Variants in AKAP6 observed in about 807,000 individuals in gnomAD.
AKAP6 encodes A-kinase anchor protein 6.
Under a neutral mutation model 188.5 loss-of-function variants are expected in AKAP6, and 58 were observed. The observed-to-expected ratio is 0.31, with a 90% CI of 0.25 to 0.38. The LOEUF (loss-of-function observed/expected upper bound fraction) is 0.38, where lower values mean the gene tolerates loss of function less well. Among genes scored for constraint, AKAP6 ranks in the 10% least tolerant of loss-of-function variants. AKAP6 has a pLI of 1.00. For missense variants in AKAP6, 2,710 were observed against 2,740.0 expected (o/e 0.99, Z 0.24); for synonymous variants, 989 against 998.6 (o/e 0.99, Z 0.18).
At chr14:32,536,208 C>G (rs868173720) in intron 3 of AKAP6, among the ~76,000 whole-genome samples, 4 of 152,096 alleles carry the variant, frequency 2.6e-5, no homozygotes, top group Non-Finnish European at 5.9e-5. Context: ...GACATTCAAG[C>G]CAAACTGTGA....
At chr14:32,535,847 T>C in intron 3 of AKAP6, 42 bp downstream of exon 3, 2 of 1,572,874 alleles carry the variant, frequency 1.3e-6, no homozygotes, top group Non-Finnish European at 1.7e-6. Context: ...TTTCCAGGTA[T>C]GACCAATTGA....
intron 9 of AKAP6, among the ~76,000 whole-genome samples, chr14:32,726,691 A>G (rs956896405): frequency 6.6e-6 from 1 of 152,262 alleles, no homozygotes; most frequent in Non-Finnish European, 1.5e-5. Context: ...CTAGTGGTGC[A>G]CCATTTATCA....
chr14:32,742,043 A>G (rs1305215859), intron 11 of AKAP6, among the ~76,000 whole-genome samples: 1 of 151,646 alleles, frequency 6.6e-6, no homozygotes, highest in Non-Finnish European at 1.5e-5. Context: ...TATGGCTTCA[A>G]TCTCATTACT....
intron 2 of AKAP6, among the ~76,000 whole-genome samples, chr14:32,521,337 G>A (rs1359885529): frequency 6.6e-6 from 1 of 151,964 alleles, no homozygotes; most frequent in Non-Finnish European, 1.5e-5. Flanking sequence ...TTCTGGCCAG[G>A]GCAATCAAGC....
At position 32,780,157 on chromosome 14, in the gene AKAP6, C is replaced by CCATATATATATATAT. The variant is rs142218168; in HGVS notation, c.3588+6264_3588+6265insCATATATATATATAT. Among the ~76,000 whole-genome samples the CCATATATATATATAT allele has an allele frequency of 6.7e-5, 8 of 119,390 alleles. No homozygotes were observed. The East Asian group carries it at 7.2e-4, about 11-fold the overall frequency. The allele number at this position is 119,390 out of a possible 152,430, so 78.3% of individuals were successfully genotyped here. ...TGGAAAAAGAAATTGAAAAAAAAAA[C>CCATATATATATATAT]ATATATATATATATGCATGCTTATA... On this transcript the variant is annotated intron_variant, in intron 12 of 13. Transcript: ENST00000280979.
chr14:32,813,389 A>ACCCCCCCCC (rs112729792), intron 12 of AKAP6, among the ~76,000 whole-genome samples: 1 of 65,338 alleles, frequency 1.5e-5, no homozygotes, highest in Admixed American at 1.9e-4. Context: ...CTCTAACCCT[A>ACCCCCCCCC]CCCCCCCCCC....
intron 4 of AKAP6, among the ~76,000 whole-genome samples, chr14:32,569,580 T>C (rs560584826): frequency 6.6e-6 from 1 of 152,308 alleles, no homozygotes; most frequent in South Asian, 2.1e-4. Flanking sequence ...AAAGGTAAAT[T>C]GCATTTGAGT....
chr14:32,549,233 A>G (rs1883343100), intron 4 of AKAP6, among the ~76,000 whole-genome samples: 1 of 152,154 alleles, frequency 6.6e-6, no homozygotes, highest in Non-Finnish European at 1.5e-5. Context: ...ATTCCTGTCC[A>G]TGAGGAAGTG....
In AKAP6 at chr14:32,812,422, G is replaced by A. The variant is rs1275834655; in HGVS notation, c.3589-8980G>A. On this transcript the variant is annotated intron_variant, in intron 12 of 13. Transcript: ENST00000280979. Reference sequence around the variant, plus strand: ...TCATTTTAAACAGTCCTACATTTAGGTACTTTCTTGAAACTCTGGGGGGAA... The same window carrying A: ...TCATTTTAAACAGTCCTACATTTAGATACTTTCTTGAAACTCTGGGGGGAA... 5.7e-5 allele frequency among the ~76,000 whole-genome samples: 7 copies of A among 122,434 alleles called. No homozygotes were observed. The East Asian group carries it at 1.6e-3, about 28-fold the overall frequency. The allele number at this position is 122,434 out of a possible 152,430, so 80.3% of individuals were successfully genotyped here.
intron 1 of AKAP6, among the ~76,000 whole-genome samples, chr14:32,418,554 C>A (rs1407753485): frequency 6.6e-6 from 1 of 152,076 alleles, no homozygotes; most frequent in Admixed American, 6.6e-5. Context: ...AGCATTCCGT[C>A]CCTTATATTC....
At chr14:32,816,788 A>G (rs1020255121) in intron 12 of AKAP6, among the ~76,000 whole-genome samples, 1 of 151,930 alleles carries the variant, frequency 6.6e-6, no homozygotes, top group African/African-American at 2.4e-5. Flanking sequence ...TGTTTTTGTC[A>G]CTTTTATTTA....
chr14:32,668,401 T>C (rs1485427863), intron 7 of AKAP6, among the ~76,000 whole-genome samples: 3 of 152,094 alleles, frequency 2.0e-5, no homozygotes, highest in Non-Finnish European at 2.9e-5. Context: ...ATCTCATCTG[T>C]CATTAAAATG....
At chr14:32,359,518 T>C (rs73256773) in intron 1 of AKAP6, among the ~76,000 whole-genome samples, 2,837 of 152,018 alleles carry the variant, frequency 0.019, 91 homozygotes, top group African/African-American at 0.066. Flanking sequence ...ATTTATCAAA[T>C]CTAAGAAATT....
intron 4 of AKAP6, among the ~76,000 whole-genome samples, chr14:32,558,926 G>A (rs963007597): frequency 2.6e-5 from 4 of 152,174 alleles, no homozygotes; most frequent in African/African-American, 9.7e-5. Context: ...GACCTCAAAG[G>A]CGTTTTGGAA....
intron 7 of AKAP6, among the ~76,000 whole-genome samples, chr14:32,662,050 C>A (rs969019936): frequency 6.6e-6 from 1 of 151,886 alleles, no homozygotes; most frequent in East Asian, 1.9e-4. Context: ...AGTAGGTGAA[C>A]CCAGGATTAC....
At chr14:32,473,886 C>T (rs1318973610) in intron 2 of AKAP6, 2 of 152,486 alleles carry the variant, frequency 1.3e-5, no homozygotes, top group Non-Finnish European at 2.9e-5. Context: ...ATGTGAGCAT[C>T]ACTGTCTTTT....
intron 7 of AKAP6, among the ~76,000 whole-genome samples, chr14:32,620,357 G>C (rs1439658059): frequency 6.6e-6 from 1 of 152,028 alleles, no homozygotes; most frequent in Non-Finnish European, 1.5e-5. Context: ...CTAGTTTGTT[G>C]AGGGTTTTTA....
Position 32,823,115 on chromosome 14 carries a change from C to T in AKAP6, c.5302C>T (p.Leu1768=). ...TACCCTTACCTTGACTGAAGAAGAGCTGTGCATCAAAGATGAGGATGACGA... is the reference window on the plus strand; with the variant it reads ...TACCCTTACCTTGACTGAAGAAGAGTTGTGCATCAAAGATGAGGATGACGA... The part of the protein sequence containing the change: ...SSTLTLTEEE[L]CIKDEDDDSS... The change falls in exon 13 of 14, where the codon CTG becomes TTG. Residue 1768 remains leucine, a synonymous_variant. Coordinates refer to ENST00000280979, the MANE Select transcript of AKAP6 (RefSeq NM_004274.5). The T allele has an allele frequency of 6.2e-7, 1 of 1,613,742 alleles. No homozygotes were observed. The highest frequency in any genetic ancestry group is 1.1e-5 in the South Asian group (1 of 91,072).
At chr14:32,496,842 C>T (rs1012808970) in intron 2 of AKAP6, among the ~76,000 whole-genome samples, 5 of 152,062 alleles carry the variant, frequency 3.3e-5, no homozygotes, top group Admixed American at 6.6e-5. Flanking sequence ...CAACAGTAGT[C>T]GTATGAACCA....
Sources: allele counts gnomAD v4.1 joint callset (sites outside exome capture counted in the v4.1 genomes callset), GRCh38; gene constraint gnomAD v4.1.1; transcripts MANE v1.5; gene names NCBI Gene and HGNC (gene_info 2026-07-23, HGNC 2026-07-21).